Variants in L3MBTL2 observed in about 807,000 individuals in gnomAD.
The protein encoded by L3MBTL2 is L3MBTL histone methyl-lysine binding protein 2, also known as lethal(3)malignant brain tumor-like protein 2.
A neutral mutation model predicts 86.4 loss-of-function variants in L3MBTL2; 49 were observed. The observed-to-expected ratio is 0.57, with a 90% confidence interval of 0.45 to 0.72. L3MBTL2 has a LOEUF of 0.72. Ranked by LOEUF, L3MBTL2 falls within the 30% of genes least tolerant of loss-of-function variation. L3MBTL2 has a pLI of 0.00. For synonymous variants in L3MBTL2, 336 were observed against 350.6 expected, an observed-to-expected ratio of 0.96 and a Z score of 0.47; for missense variants, 755 against 923.7, an observed-to-expected ratio of 0.82 and a Z score of 2.37.
rs1446207275 is a variant in L3MBTL2, at chr22:41,209,818, G to A, written c.147G>A (p.Glu49=). ...SVGSESSSYL[E]ESSEAENEDR... ...GCAGTGAGAGCAGCTCCTATCTGGA[G>A]GAGTCAAGTGAAGCAGAAAATGAGG... is the stretch of plus-strand genomic sequence containing the variant. The change falls in exon 2 of 17, where the codon GAG becomes GAA. Residue 49 remains glutamate (E), a synonymous_variant. Transcript: ENST00000216237. 4 of 1,614,048 alleles carry A rather than the reference G, an allele frequency of 2.5e-6. No individual in the cohort carries two copies. Among genetic ancestry groups the A allele is most frequent in the Non-Finnish European group, 3.4e-6 (4 of 1,180,046 alleles).
chr22:41,229,505 C>T, intron 15 of L3MBTL2, 35 bp from the exon 16 acceptor site: 1 of 1,598,152 alleles, frequency 6.3e-7, no homozygotes, highest in Non-Finnish European at 8.6e-7. Context: ...TAAATACAAC[C>T]CTAATGCTGG....
At position 41,227,386 on chromosome 22, in the gene L3MBTL2, C is replaced by A; in HGVS notation, c.1822+63C>A. On this transcript the variant is annotated intron_variant, in intron 14 of 16. Transcript: ENST00000216237. This position sits in a 1 kb window ranked among gnomAD's most constrained non-coding sequence, Gnocchi z 6.0. ...TTTCCTCTTCTTTTTTCCTTCTTCCCCCGCCCCTGTGCCCATCTCCGTTCT... is the reference window on the plus strand; with the variant it reads ...TTTCCTCTTCTTTTTTCCTTCTTCCACCGCCCCTGTGCCCATCTCCGTTCT... 2.1e-6 allele frequency: 3 copies of A among 1,459,826 alleles called. No homozygotes were observed. The highest frequency in any genetic ancestry group is 1.9e-6 in the Non-Finnish European group (2 of 1,065,282). 90.4% of individuals were successfully genotyped at this position (1,459,826 alleles called of 1,614,324 possible).
At position 41,209,908 on chromosome 22, in the gene L3MBTL2, C is replaced by G. The variant is rs754709343; in HGVS notation, c.237C>G (p.Ser79=). 8.1e-6 allele frequency: 13 copies of G among 1,613,772 alleles called. No individual in the cohort carries two copies. The highest frequency in any genetic ancestry group is 1.1e-5 in the Non-Finnish European group (13 of 1,179,886). The stretch of plus-strand genomic sequence containing the variant: ...TGCTCAGCCCTGGGACTCCTCGCTC[C>G]TTGGATGGCAGTGGTTCTGAGCCAG... ...LHLLSPGTPR[S]LDGSGSEPAV... The change falls in exon 2 of 17, where the codon TCC becomes TCG. Residue 79 remains serine, a synonymous_variant. Transcript: ENST00000216237.
At chr22:41,222,063 T>G (rs528733585) in intron 8 of L3MBTL2, among the ~76,000 whole-genome samples, 1 of 151,940 alleles carries the variant, frequency 6.6e-6, no homozygotes, top group South Asian at 2.1e-4. Context: ...CCACCATACT[T>G]GGCTAATTTT....
chr22:41,227,604 C>T lies in L3MBTL2; in HGVS notation c.1823-200C>T. The stretch of plus-strand genomic sequence containing the variant: ...ACTACCCAGGTCCCTCTGAGCAGCC[C>T]TGGTAACAAGGGTGGGAAGAAGGGA... On this transcript the variant is annotated intron_variant, in intron 14 of 16. Coordinates refer to ENST00000216237, the MANE Select transcript of L3MBTL2 (RefSeq NM_031488.5). The surrounding 1 kb of genome is among the most constrained non-coding windows in gnomAD (Gnocchi z 6.0). 6.5e-7 allele frequency: 1 copy of T among 1,547,802 alleles called. No homozygotes were observed. The highest frequency in any genetic ancestry group is 8.7e-7 in the Non-Finnish European group (1 of 1,145,342).
chr22:41,221,723 C>T (rs546757704), intron 8 of L3MBTL2, among the ~76,000 whole-genome samples: 14 of 152,094 alleles, frequency 9.2e-5, no homozygotes, highest in African/African-American at 3.4e-4. Flanking sequence ...TCTCCTGCCT[C>T]AGCCTCCCAA....
rs759948561 is a variant in L3MBTL2, at chr22:41,221,231, T to A, written c.886T>A (p.Tyr296Asn). Residue 296 changes from tyrosine (Y) to asparagine (N), a missense_variant, in exon 8 of 17, where the codon TAC becomes AAC. Tyr to Asn is a moderately radical substitution (Grantham distance 143). Around this residue, in one of 3 missense-constraint regions of L3MBTL2, gnomAD observed 634 missense variants for 748.9 expected, o/e 0.85. Coordinates refer to ENST00000216237, the MANE Select transcript of L3MBTL2 (RefSeq NM_031488.5). ...IHAKFTDWKG[Y>N]LMKRLVGSRT... Reference sequence around the variant, plus strand: ...TGCCAAGTTCACCGACTGGAAGGGCTACCTCATGAAACGGCTGGTGGGCTC... The same window carrying A: ...TGCCAAGTTCACCGACTGGAAGGGCAACCTCATGAAACGGCTGGTGGGCTC... 7 of 1,551,464 alleles carry A rather than the reference T, an allele frequency of 4.5e-6. No individual in the cohort carries two copies. Among genetic ancestry groups the A allele is most frequent in the Non-Finnish European group, 6.1e-6 (7 of 1,146,712 alleles).
chr22:41,205,987 CTTTTT>C (rs774301733), intron 1 of L3MBTL2: 1 of 146,202 alleles, frequency 6.8e-6, no homozygotes. Context: ...CCCACTCATC[CTTTTT>C]TTTTTTTCTT....
rs1332520884 is a variant in L3MBTL2 at position 41,211,734 on chromosome 22, A to T, written c.262+1801A>T. Among the ~76,000 whole-genome samples, 7 of 138,488 alleles carry T rather than the reference A, an allele frequency of 5.1e-5. No homozygotes were observed. The East Asian group carries it at 6.9e-4, about 14-fold the overall frequency. The allele number at this position is 138,488 out of a possible 152,430, so 90.9% of individuals were successfully genotyped here. ...ACCACACCCGGCTAATTTTTTTTGT[A>T]TTTTAGTAGAGACGGGGTTTCACCA... On this transcript the variant is annotated intron_variant, in intron 2 of 16. Transcript: ENST00000216237.
intron 8 of L3MBTL2, among the ~76,000 whole-genome samples, chr22:41,222,645 C>CTT (rs2031904930): frequency 6.6e-6 from 1 of 151,572 alleles, no homozygotes; most frequent in African/African-American, 2.4e-5. Context: ...CTAGGCACGG[C>CTT]ACAGTGGCTT....
intron 1 of L3MBTL2, among the ~76,000 whole-genome samples, chr22:41,208,967 T>G (rs1453115320): frequency 6.6e-6 from 1 of 152,092 alleles, no homozygotes; most frequent in Non-Finnish European, 1.5e-5. Context: ...GGTCTTGAAC[T>G]CCTGACTTCG....
rs1268871922 is a variant in L3MBTL2 at position 41,205,400 on chromosome 22, G to A, written c.24+14G>A. 2 of 1,614,030 alleles carry A rather than the reference G, an allele frequency of 1.2e-6. No homozygotes were observed. Among genetic ancestry groups the A allele is most frequent in the African/African-American group, 2.7e-5 (2 of 74,928 alleles). On this transcript the variant is annotated intron_variant, in intron 1 of 16. Transcript: ENST00000216237. The stretch of plus-strand genomic sequence containing the variant: ...CGGAGTATTGAGGTGAGAAGGCGAG[G>A]ACTTAGCGTGACTGGGAAAGGGAAC...
intron 2 of L3MBTL2, among the ~76,000 whole-genome samples, chr22:41,213,408 C>A (rs1364860495): frequency 1.3e-5 from 2 of 151,240 alleles, no homozygotes; most frequent in Admixed American, 1.3e-4. Flanking sequence ...TCACTGCAGC[C>A]TCAGCCTCCT....
At chr22:41,207,615 A>T (rs927975581) in intron 1 of L3MBTL2, among the ~76,000 whole-genome samples, 13 of 152,178 alleles carry the variant, frequency 8.5e-5, no homozygotes, top group African/African-American at 3.1e-4. Context: ...TCATACAGCG[A>T]GTAAGCACTA....
chr22:41,228,641 A>G (rs2032359430), intron 15 of L3MBTL2: 1 of 381,920 alleles, frequency 2.6e-6, no homozygotes, highest in Admixed American at 6.4e-5. Flanking sequence ...ATGAGGTCAG[A>G]AGTTCCAAGA....
rs1022543427 is a variant in L3MBTL2, at chr22:41,205,528, G to A, written c.24+142G>A. The A allele has an allele frequency of 5.9e-6, 6 of 1,012,402 alleles. No homozygotes were observed. In the South Asian group the frequency reaches 7.9e-5, roughly 13 times the overall value. 62.7% of individuals were successfully genotyped at this position (1,012,402 alleles called of 1,614,324 possible). On this transcript the variant is annotated intron_variant, in intron 1 of 16. Transcript: ENST00000216237. The stretch of plus-strand genomic sequence containing the variant: ...AACTGAGGTAGTTAAACTGAGCCAG[G>A]GGCAGAGGCAATTGACGTTACTTTT...
Position 41,227,638 on chromosome 22 carries a change from C to T in L3MBTL2, c.1823-166C>T. ...AGGGTGGGAAGAAGGGACAGCTGTT[C>T]TCCGGCCCCTCCTCCAGCCCCGCCC... On this transcript the variant is annotated intron_variant, in intron 14 of 16. Coordinates refer to ENST00000216237, the MANE Select transcript of L3MBTL2 (RefSeq NM_031488.5). The surrounding 1 kb of genome is among the most constrained non-coding windows in gnomAD (Gnocchi z 6.0). The T allele has an allele frequency of 6.5e-7, 1 of 1,550,218 alleles. No homozygotes were observed. Among genetic ancestry groups the T allele is most frequent in the Non-Finnish European group, 8.7e-7 (1 of 1,146,588 alleles).
chr22:41,226,187 G>A lies in L3MBTL2; in HGVS notation c.1504+246G>A, dbSNP rs2032170396. Reference sequence around the variant, plus strand: ...AGCCACTCGGGAGTCTGAGGCAGGAGAATTGCTTGAACCCAGGAGGTGGAG... The same window carrying A: ...AGCCACTCGGGAGTCTGAGGCAGGAAAATTGCTTGAACCCAGGAGGTGGAG... On this transcript the variant is annotated intron_variant, in intron 12 of 16. Transcript: ENST00000216237. 2.0e-5 allele frequency among the ~76,000 whole-genome samples: 3 copies of A among 152,170 alleles called. No individual in the cohort carries two copies. In the South Asian group the frequency reaches 6.2e-4, roughly 31 times the overall value.
Position 41,217,129 on chromosome 22 carries a change from T to C in L3MBTL2, c.527T>C (p.Val176Ala), listed in dbSNP as rs1456822070. The C allele has an allele frequency of 1.9e-6, 3 of 1,613,664 alleles. No individual in the cohort carries two copies. The highest frequency in any genetic ancestry group is 2.5e-6 in the Non-Finnish European group (3 of 1,179,890). ...CGTCCTCTCTGCTCTGCAGCTCTGG[T>C]CTTGGGCTTCGACTGGGGGAAGTTC... ...DGTPTGQDAL[V>A]LGFDWGKFLK... Residue 176 changes from valine (V) to alanine (A), a missense_variant, in exon 5 of 17, where the codon GTC becomes GCC. By Grantham distance (64) the Val-to-Ala change is moderately conservative. This residue lies in a region of L3MBTL2 where 634 missense variants were observed against 748.9 expected (regional missense o/e 0.85). Coordinates refer to ENST00000216237, the MANE Select transcript of L3MBTL2 (RefSeq NM_031488.5).
Sources: allele counts gnomAD v4.1 joint callset (sites outside exome capture counted in the v4.1 genomes callset), GRCh38; gene constraint gnomAD v4.1.1; regional missense constraint gnomAD v4.1.1; non-coding constraint Gnocchi (gnomAD v3.1); transcripts MANE v1.5; gene names NCBI Gene and HGNC (gene_info 2026-07-23, HGNC 2026-07-21).